The following PSME4 variants were observed in gnomAD, a reference collection of about 807,000 sequenced individuals.
PSME4 encodes the protein proteasome activator subunit 4, also known as proteasome activator complex subunit 4.
Under a neutral mutation model 253.9 loss-of-function variants are expected in PSME4, and 89 were observed. That is an observed-to-expected ratio of 0.35 (90% CI 0.30 to 0.42). The LOEUF (loss-of-function observed/expected upper bound fraction) is 0.42, where lower values mean the gene tolerates loss of function less well. PSME4 is among the 10% of genes least tolerant of loss of function. The probability of loss-of-function intolerance (pLI) is 1.00; values close to 1 mark genes in which losing one functional copy is unlikely to be tolerated. For synonymous variants in PSME4, 851 were observed against 759.2 expected (o/e 1.12, Z -1.99); for missense variants, 2,014 against 2,195.2 (o/e 0.92, Z 1.65).
At chr2:53,922,029 G>A (rs958347543) in intron 17 of PSME4, among the ~76,000 whole-genome samples, 19 of 150,958 alleles carry the variant, frequency 1.3e-4, no homozygotes, top group South Asian at 1.0e-3. Flanking sequence ...AAAATTAGCC[G>A]GGCGTGGTGG....
At chr2:53,893,599 T>A in intron 35 of PSME4, 75 bp downstream of exon 35, 1 of 1,568,356 alleles carries the variant, frequency 6.4e-7, no homozygotes, top group Middle Eastern at 1.7e-4. Context: ...TTTGATCAAA[T>A]ATTTATAAGT....
chr2:53,924,843 C>T (rs1668489480), intron 14 of PSME4, among the ~76,000 whole-genome samples: 1 of 152,204 alleles, frequency 6.6e-6, no homozygotes. Context: ...CTAGCAAATA[C>T]TGAACCATTG....
In PSME4 at chr2:53,899,979, T is replaced by C. The variant is rs1345595403; in HGVS notation, c.3324A>G (p.Gln1108=). ...KSCVEIAELL[Q]QSKNPSINQI... ...GGTTGATAGAGGGGTTTTTTGACTG[T>C]TGAAGTAATTCCGCTATTTCAACAC... The change falls in exon 29 of 47, where the codon CAA becomes CAG. Residue 1108 remains glutamine (Q), a synonymous_variant. Transcript: ENST00000404125. 3 of 1,613,684 alleles carry C rather than the reference T, an allele frequency of 1.9e-6. No individual in the cohort carries two copies. The highest frequency in any genetic ancestry group is 8.5e-7 in the Non-Finnish European group (1 of 1,179,720).
At chr2:53,950,069 G>A (rs1228859793) in intron 1 of PSME4, among the ~76,000 whole-genome samples, 7 of 152,230 alleles carry the variant, frequency 4.6e-5, no homozygotes, top group Admixed American at 1.3e-4. Context: ...GAACCCAGGA[G>A]TTCAAGACCA....
intron 3 of PSME4, among the ~76,000 whole-genome samples, chr2:53,940,968 T>C (rs1382395098): frequency 1.4e-4 from 10 of 70,530 alleles, no homozygotes; most frequent in African/African-American, 3.8e-4. Flanking sequence ...TATATATATA[T>C]ATATATATAT....
intron 20 of PSME4, among the ~76,000 whole-genome samples, chr2:53,912,238 A>G (rs1348098186): frequency 2.0e-5 from 3 of 152,162 alleles, no homozygotes; most frequent in Non-Finnish European, 4.4e-5. Flanking sequence ...TGTGAGCTCT[A>G]CAGGGCCTAC....
rs1668659137 is a variant in PSME4 at position 53,928,217 on chromosome 2, A to G, written c.1403T>C (p.Val468Ala). ...TTCAGGAAACCATCTGCCTCCTGATACCAAACTGCGGGCTACTCCAATTAC... is the reference window on the plus strand; with the variant it reads ...TTCAGGAAACCATCTGCCTCCTGATGCCAAACTGCGGGCTACTCCAATTAC... ...SCVIGVARSL[V>A]SGGRWFPEGP... Residue 468 changes from valine (V) to alanine (A), a missense_variant, in exon 11 of 47, where the codon GTA (valine) becomes GCA (alanine). Coordinates refer to ENST00000404125, the MANE Select transcript of PSME4 (RefSeq NM_014614.3). 6.2e-7 allele frequency: 1 copy of G among 1,614,134 alleles called. No homozygotes were observed. The highest frequency in any genetic ancestry group is 8.5e-7 in the Non-Finnish European group (1 of 1,179,972).
At chr2:53,899,762 G>A in intron 29 of PSME4, 119 bp downstream of exon 29, 3 of 1,235,484 alleles carry the variant, frequency 2.4e-6, no homozygotes, top group Non-Finnish European at 2.3e-6. Flanking sequence ...AGGTTGCAGT[G>A]AGCCATGATC....
At chr2:53,957,390 G>A (rs1475499755) in intron 1 of PSME4, among the ~76,000 whole-genome samples, 1 of 152,104 alleles carries the variant, frequency 6.6e-6, no homozygotes, top group Non-Finnish European at 1.5e-5. Flanking sequence ...TTATTTTCCT[G>A]CAACTTAGAT....
intron 3 of PSME4, among the ~76,000 whole-genome samples, chr2:53,946,967 A>C (rs1669740884): frequency 1.3e-5 from 2 of 152,100 alleles, no homozygotes; most frequent in Admixed American, 1.3e-4. Flanking sequence ...GGAAAACCTA[A>C]CAAATATTGG....
At chr2:53,901,327 A>C (rs1284211343) in intron 28 of PSME4, 23 bp downstream of exon 28, 1 of 1,575,162 alleles carries the variant, frequency 6.3e-7, no homozygotes. Context: ...CTAAAACTTG[A>C]ATGAAAGAAT....
chr2:53,895,459 A>C (rs1680097456), intron 33 of PSME4, 124 bp downstream of exon 33: 1 of 960,354 alleles, frequency 1.0e-6, no homozygotes, highest in African/African-American at 1.7e-5. Flanking sequence ...AAAGAAAGAG[A>C]GGACTAGGGA....
At chr2:53,958,414 C>A (rs1211410180) in intron 1 of PSME4, among the ~76,000 whole-genome samples, 1 of 151,664 alleles carries the variant, frequency 6.6e-6, no homozygotes, top group East Asian at 1.9e-4. Context: ...ACAAAAAAAA[C>A]CTCACTTATT....
intron 1 of PSME4, among the ~76,000 whole-genome samples, chr2:53,951,279 C>G (rs80053028): frequency 6.6e-6 from 1 of 152,196 alleles, no homozygotes; most frequent in Non-Finnish European, 1.5e-5. Flanking sequence ...GATGGGGTTT[C>G]ACCATGTTGG....
chr2:53,867,501 GGAA>G (rs1678623479), intron 44 of PSME4, among the ~76,000 whole-genome samples: 2 of 113,442 alleles, frequency 1.8e-5, no homozygotes, highest in African/African-American at 3.4e-5. Context: ...TCCGTCTCAA[GGAA>G]AAAAAAAAAA....
intron 43 of PSME4, 28 bp downstream of exon 43, chr2:53,874,311 T>C: frequency 6.3e-7 from 1 of 1,592,614 alleles, no homozygotes; most frequent in South Asian, 1.1e-5. Flanking sequence ...ATTGACTGAA[T>C]TTCCGTTTTC....
intron 3 of PSME4, among the ~76,000 whole-genome samples, chr2:53,945,459 T>C (rs1180045937): frequency 6.6e-6 from 1 of 152,018 alleles, no homozygotes; most frequent in Non-Finnish European, 1.5e-5. Flanking sequence ...AAAAGGGTCT[T>C]TTGTCCTAGA....
At position 53,907,782 on chromosome 2, in the gene PSME4, A is replaced by C. The variant is rs536914655; in HGVS notation, c.2784+538T>G. Among the ~76,000 whole-genome samples the C allele has an allele frequency of 2.0e-5, 3 of 152,278 alleles. No homozygotes were observed. The East Asian group carries it at 5.8e-4, about 29-fold the overall frequency. On this transcript the variant is annotated intron_variant, in intron 24 of 46. Transcript: ENST00000404125. ...CTTTTACATGCCATTCCTTCTGTCT[A>C]AAGTATCTAGCAACTGTTGTCTAAA... is the stretch of plus-strand genomic sequence containing the variant.
chr2:53,892,576 A>C (rs12620383), intron 36 of PSME4, among the ~76,000 whole-genome samples: 43 of 152,104 alleles, frequency 2.8e-4, no homozygotes, highest in African/African-American at 1.0e-3. Flanking sequence ...AATTTTTTTT[A>C]AATTTTTTCC....
Sources: gnomAD v4.1 joint callset for allele counts (sites outside exome capture counted in the v4.1 genomes callset) on GRCh38, gnomAD v4.1.1 for gene constraint, MANE v1.5 for transcripts, NCBI Gene and HGNC (gene_info 2026-07-23, HGNC 2026-07-21) for gene names.